TXNDC16: variants seen among roughly 807,000 people sequenced by gnomAD.
The protein encoded by TXNDC16 is thioredoxin domain-containing protein 16.
TXNDC16 carries 74 observed loss-of-function variants against 85.6 expected under a neutral mutation model. The observed-to-expected ratio is 0.86, with a 90% CI of 0.72 to 1.05. TXNDC16 has a LOEUF of 1.05. Ranked by LOEUF, TXNDC16 falls within the 50% of genes least tolerant of loss-of-function variation. The pLI is 0.00. For synonymous variants in TXNDC16, 335 were observed against 326.5 expected, an observed-to-expected ratio of 1.03 and a Z score of -0.28; for missense variants, 959 against 947.0, an observed-to-expected ratio of 1.01 and a Z score of -0.17.
intron 9 of TXNDC16, among the ~76,000 whole-genome samples, chr14:52,493,937 A>T (rs8018284): frequency 2.1e-4 from 32 of 151,688 alleles, no homozygotes; most frequent in Admixed American, 7.9e-4. Flanking sequence ...TGCATCACCA[A>T]GCCCAGCTAA....
chr14:52,507,854 C>T (rs530789993), intron 9 of TXNDC16, among the ~76,000 whole-genome samples: 23 of 152,288 alleles, frequency 1.5e-4, no homozygotes, highest in Non-Finnish European at 2.9e-4. Flanking sequence ...GAAAAACTGG[C>T]TAGCCATATG....
chr14:52,466,471 A>G (rs1217234779), intron 16 of TXNDC16, among the ~76,000 whole-genome samples: 1 of 151,920 alleles, frequency 6.6e-6, no homozygotes, highest in African/African-American at 2.4e-5. Context: ...CAAATCATTG[A>G]AACGATCTTT....
At chr14:52,505,571 T>C (rs1310870183) in intron 9 of TXNDC16, among the ~76,000 whole-genome samples, 6 of 152,220 alleles carry the variant, frequency 3.9e-5, no homozygotes, top group African/African-American at 1.4e-4. Context: ...AAGCAGTGTG[T>C]AGAGGGAAAT....
chr14:52,470,665 A>G lies in TXNDC16; in HGVS notation c.1328T>C (p.Leu443Pro), dbSNP rs140428616. ...AVKLKGTSTMLLTRINCADWS... is the reference protein window; with the variant it reads ...AVKLKGTSTMPLTRINCADWS... Reference sequence around the variant, plus strand: ...ATCTGCACAGTTTATTCTAGTAAGAAGCATAGTAGATGTGCCTAAATAAAA... The same window carrying G: ...ATCTGCACAGTTTATTCTAGTAAGAGGCATAGTAGATGTGCCTAAATAAAA... Residue 443 changes from leucine to proline, a missense_variant, in exon 15 of 21, where the codon CTT becomes CCT. Leu to Pro is a moderately conservative substitution (Grantham distance 98). Transcript: ENST00000281741. 2.5e-6 allele frequency: 4 copies of G among 1,604,442 alleles called. No homozygotes were observed. Among genetic ancestry groups the G allele is most frequent in the South Asian group, 2.3e-5 (2 of 88,340 alleles).
chr14:52,520,470 C>G (rs776685129), intron 6 of TXNDC16, among the ~76,000 whole-genome samples: 1 of 152,144 alleles, frequency 6.6e-6, no homozygotes, highest in South Asian at 2.1e-4. Context: ...ATTAGCCAGG[C>G]GCAGTGGCGG....
chr14:52,469,077 T>G (rs1283290921), intron 16 of TXNDC16, among the ~76,000 whole-genome samples: 1 of 152,088 alleles, frequency 6.6e-6, no homozygotes, highest in Non-Finnish European at 1.5e-5. Flanking sequence ...CCAGGTGTGG[T>G]GGCTCACATC....
rs1418735741 is a variant in TXNDC16 at position 52,536,786 on chromosome 14, T to C, written c.325A>G (p.Ile109Val). ...TCAGTAGGGAATTCTCTGAGCAATA[T>C]GTTGCCCCTATAAAAAGTTTAAAAA... ...LMKAYLFKGN[I>V]LLREFPTDTL... The change falls in exon 6 of 21, where the codon ATA (isoleucine) becomes GTA (valine). Residue 109 changes from isoleucine (I) to valine (V), a missense_variant. Physicochemically the swap from Ile to Val is conservative, Grantham distance 29 (BLOSUM62 3). Coordinates refer to ENST00000281741, the MANE Select transcript of TXNDC16 (RefSeq NM_020784.3). 5.0e-6 allele frequency: 8 copies of C among 1,609,178 alleles called. No individual in the cohort carries two copies. Among genetic ancestry groups the C allele is most frequent in the African/African-American group, 1.3e-5 (1 of 74,750 alleles).
At chr14:52,456,956 G>C in intron 17 of TXNDC16, 134 bp downstream of exon 17, 1 of 601,756 alleles carries the variant, frequency 1.7e-6, no homozygotes, top group Non-Finnish European at 2.9e-6. Context: ...TTATTTCCTA[G>C]AAGGAAATAA....
chr14:52,508,173 A>G (rs1198734069), intron 9 of TXNDC16, among the ~76,000 whole-genome samples: 2 of 152,168 alleles, frequency 1.3e-5, no homozygotes, highest in African/African-American at 4.8e-5. Flanking sequence ...TCATCTGACA[A>G]AGGGCTAATA....
intron 6 of TXNDC16, among the ~76,000 whole-genome samples, chr14:52,530,803 A>T (rs941135889): frequency 6.7e-4 from 101 of 150,090 alleles, no homozygotes; most frequent in African/African-American, 2.4e-3. Flanking sequence ...TTTACAATAG[A>T]AAAAAAGATA....
At chr14:52,540,750 C>T (rs1203529744) in intron 4 of TXNDC16, among the ~76,000 whole-genome samples, 1 of 152,144 alleles carries the variant, frequency 6.6e-6, no homozygotes, top group African/African-American at 2.4e-5. Flanking sequence ...AGGATATAAA[C>T]TCTCCAAAGA....
chr14:52,449,637 G>A (rs1468365894), intron 18 of TXNDC16, among the ~76,000 whole-genome samples: 1 of 152,090 alleles, frequency 6.6e-6, no homozygotes, highest in Admixed American at 6.6e-5. Flanking sequence ...TTCAATGGCT[G>A]CAGATACACA....
rs568361370 is a variant in TXNDC16, at chr14:52,470,630, C to G, written c.1363G>C (p.Val455Leu). 6.2e-7 allele frequency: 1 copy of G among 1,613,668 alleles called. No individual in the cohort carries two copies. Among genetic ancestry groups the G allele is most frequent in the Non-Finnish European group, 8.5e-7 (1 of 1,179,862 alleles). Residue 455 changes from valine (V) to leucine (L), a missense_variant, in exon 15 of 21, where the codon GTA becomes CTA. Physicochemically the swap from Val to Leu is conservative, Grantham distance 32 (BLOSUM62 1). Coordinates refer to ENST00000281741, the MANE Select transcript of TXNDC16 (RefSeq NM_020784.3). ...TCAGTAACATTTTGCTTAGTACATACATCAGACCAATCTGCACAGTTTATT... is the reference window on the plus strand; with the variant it reads ...TCAGTAACATTTTGCTTAGTACATAGATCAGACCAATCTGCACAGTTTATT... ...TRINCADWSD[V>L]CTKQNVTEFP...
chr14:52,431,603 T>C lies in TXNDC16; in HGVS notation c.*701A>G, dbSNP rs2034896679. On this transcript the variant is annotated 3_prime_UTR_variant, in exon 21 of 21. Transcript: ENST00000281741. ...TTACTCAGCCTTGGCACGACTACCA[T>C]TTCGGGCAGGATAATTCTTTGTTGT... The C allele has an allele frequency of 6.6e-6, 1 of 152,210 alleles. No individual in the cohort carries two copies. Among genetic ancestry groups the C allele is most frequent in the South Asian group, 2.1e-4 (1 of 4,826 alleles). 9.4% of individuals were successfully genotyped at this position (152,210 alleles called of 1,614,324 possible).
At chr14:52,459,534 A>C (rs1266169442) in intron 16 of TXNDC16, among the ~76,000 whole-genome samples, 5 of 152,324 alleles carry the variant, frequency 3.3e-5, no homozygotes, top group South Asian at 2.1e-4. Flanking sequence ...AACTATTCCC[A>C]AAAATTAAGG....
chr14:52,511,087 G>GA (rs1354052063), intron 9 of TXNDC16, among the ~76,000 whole-genome samples, 153 bp downstream of exon 9: 1 of 150,774 alleles, frequency 6.6e-6, no homozygotes, highest in Non-Finnish European at 1.5e-5. Flanking sequence ...CCCTCAAAAT[G>GA]AAAAAAAGGG....
chr14:52,483,010 G>T (rs2036185511), intron 12 of TXNDC16, 45 bp from the exon 13 acceptor site: 1 of 1,493,844 alleles, frequency 6.7e-7, no homozygotes, highest in Non-Finnish European at 9.1e-7. Flanking sequence ...GATGTATAAT[G>T]AAAACTATTT....
intron 8 of TXNDC16, among the ~76,000 whole-genome samples, chr14:52,512,391 G>A (rs1173435009): frequency 6.6e-6 from 1 of 152,120 alleles, no homozygotes; most frequent in Non-Finnish European, 1.5e-5. Flanking sequence ...GGAAGAAAAC[G>A]GAGATTATCG....
chr14:52,459,210 CACAT>C (rs1235449207), intron 16 of TXNDC16, among the ~76,000 whole-genome samples: 2 of 152,078 alleles, frequency 1.3e-5, no homozygotes, highest in African/African-American at 4.8e-5. Flanking sequence ...TAGACACACA[CACAT>C]ACATACATCT....
Sources: gnomAD v4.1 joint callset for allele counts (sites outside exome capture counted in the v4.1 genomes callset) on GRCh38, gnomAD v4.1.1 for gene constraint, MANE v1.5 for transcripts, NCBI Gene and HGNC (gene_info 2026-07-23, HGNC 2026-07-21) for gene names.